C1GALT1: variants seen among roughly 807,000 people sequenced by gnomAD.
C1GALT1 encodes glycoprotein-N-acetylgalactosamine 3-beta-galactosyltransferase 1.
In C1GALT1, 11 loss-of-function variants were observed where a neutral mutation model predicts 31.0. The observed-to-expected ratio is 0.36, with a 90% confidence interval of 0.22 to 0.59. The LOEUF (loss-of-function observed/expected upper bound fraction) is 0.59, where lower values mean the gene tolerates loss of function less well. Among genes scored for constraint, C1GALT1 ranks in the 20% least tolerant of loss-of-function variants. The pLI is 0.79. For synonymous variants in C1GALT1, 175 were observed against 143.6 expected (o/e 1.22, Z -1.56); for missense variants, 424 against 425.2 (o/e 1.00, Z 0.03).
chr7:7,176,515 C>A (rs1427706390), intron 2 of C1GALT1, among the ~76,000 whole-genome samples: 2 of 152,124 alleles, frequency 1.3e-5, no homozygotes, highest in African/African-American at 4.8e-5. Flanking sequence ...ACTAGAGGAA[C>A]AAAGAGTAAC....
chr7:7,167,353 C>T (rs1389483711), intron 2 of C1GALT1, among the ~76,000 whole-genome samples: 5 of 152,132 alleles, frequency 3.3e-5, no homozygotes, highest in African/African-American at 1.2e-4. Flanking sequence ...CTTTATGAAA[C>T]ATTTGCTTTC....
At chr7:7,162,771 G>A (rs1169479963) in intron 2 of C1GALT1, among the ~76,000 whole-genome samples, 2 of 152,018 alleles carry the variant, frequency 1.3e-5, no homozygotes, top group Non-Finnish European at 2.9e-5. Context: ...ATCCTCTCCG[G>A]AACCTGTTGT....
At chr7:7,172,409 G>A (rs1286780760) in intron 2 of C1GALT1, among the ~76,000 whole-genome samples, 1 of 152,042 alleles carries the variant, frequency 6.6e-6, no homozygotes, top group Non-Finnish European at 1.5e-5. Flanking sequence ...TGATGGGTTG[G>A]TTAAAATATC....
At chr7:7,197,960 A>C (rs1050001920) in intron 1 of C1GALT1, among the ~76,000 whole-genome samples, 3 of 152,222 alleles carry the variant, frequency 2.0e-5, no homozygotes, top group African/African-American at 7.2e-5. Context: ...TTTTCTAAAT[A>C]CACAATCATG....
chr7:7,242,473 CT>C (rs1304639937), intron 3 of C1GALT1, among the ~76,000 whole-genome samples: 1 of 152,018 alleles, frequency 6.6e-6, no homozygotes, highest in Non-Finnish European at 1.5e-5. Context: ...AAGCTACATA[CT>C]TCCAAACATA....
rs574588365 is a variant in C1GALT1 at position 7,228,647 on chromosome 7, G to A, written c.-17-5656G>A. Among the ~76,000 whole-genome samples the A allele has an allele frequency of 5.3e-5, 8 of 152,266 alleles. No homozygotes were observed. In the South Asian group the frequency reaches 1.4e-3, roughly 28 times the overall value. ...GAGTTTACAGTTATTTAGTCATAAG[G>A]CCGGAGTCCTTTAAATTGGAAGGGA... On this transcript the variant is annotated intron_variant, in intron 1 of 3. Coordinates refer to ENST00000436587, the MANE Select transcript of C1GALT1 (RefSeq NM_020156.5).
At position 7,247,661 on chromosome 7, in the gene C1GALT1, T is replaced by A. The variant is rs141349787; in HGVS notation, c.*3934T>A. 460 of 152,244 alleles carry A rather than the reference T, an allele frequency of 3.0e-3. 5 individuals carry two copies. The highest frequency in any genetic ancestry group is 0.01 in the African/African-American group (435 of 41,568). 9.4% of individuals were successfully genotyped at this position (152,244 alleles called of 1,614,324 possible). ...ATTAAATTACATCTAGCATTTTATT[T>A]GCCATTTCAATTTTCAGTTCATTAG... On this transcript the variant is annotated 3_prime_UTR_variant, in exon 4 of 4. Transcript: ENST00000436587.
At chr7:7,196,827 T>A (rs1361140235) in intron 1 of C1GALT1, among the ~76,000 whole-genome samples, 3 of 152,358 alleles carry the variant, frequency 2.0e-5, no homozygotes, top group Middle Eastern at 3.4e-3. Context: ...ATGATGAGCA[T>A]TTTTTCATGT....
chr7:7,162,628 C>A (rs900094129), intron 2 of C1GALT1, among the ~76,000 whole-genome samples: 7 of 151,910 alleles, frequency 4.6e-5, no homozygotes, highest in Non-Finnish European at 8.8e-5. Context: ...TGGGTATATA[C>A]CCAGTAATGG....
At chr7:7,227,595 C>T (rs1782829809) in intron 1 of C1GALT1, among the ~76,000 whole-genome samples, 1 of 151,464 alleles carries the variant, frequency 6.6e-6, no homozygotes. Context: ...TGGCGGGCGC[C>T]TGTAGTCCCA....
rs752869659 is a variant in C1GALT1 at position 7,243,571 on chromosome 7, T to G, written c.936T>G (p.Asp312Glu). The change falls in exon 4 of 4, where the codon GAT becomes GAG. Residue 312 changes from aspartate (D) to glutamate (E), a missense_variant. Transcript: ENST00000436587. Reference sequence around the variant, plus strand: ...TTGCAGTTTCTTTTCACTATGTTGATTCTACAACCATGTATGAGTTAGAAT... The same window carrying G: ...TTGCAGTTTCTTTTCACTATGTTGAGTCTACAACCATGTATGAGTTAGAAT... ...SDLAVSFHYV[D>E]STTMYELEYL... The G allele has an allele frequency of 1.2e-6, 2 of 1,611,634 alleles. No homozygotes were observed. The highest frequency in any genetic ancestry group is 3.4e-5 in the Admixed American group (2 of 59,502).
At chr7:7,202,358 C>T (rs528347599) in intron 1 of C1GALT1, among the ~76,000 whole-genome samples, 4 of 152,246 alleles carry the variant, frequency 2.6e-5, no homozygotes, top group South Asian at 4.2e-4. Context: ...GTTAGTTATG[C>T]GCCCTGTCTG....
intron 1 of C1GALT1, among the ~76,000 whole-genome samples, chr7:7,219,399 T>C (rs1224322093): frequency 9.0e-6 from 1 of 110,978 alleles, no homozygotes; most frequent in Non-Finnish European, 1.8e-5. Context: ...ATGTACCCTC[T>C]GGTGAGGAAT....
At chr7:7,198,568 TC>T (rs1781399534) in intron 1 of C1GALT1, among the ~76,000 whole-genome samples, 1 of 152,226 alleles carries the variant, frequency 6.6e-6, no homozygotes, top group Non-Finnish European at 1.5e-5. Flanking sequence ...TAGGGAGGAT[TC>T]CCTCTTTTTC....
intron 1 of C1GALT1, among the ~76,000 whole-genome samples, chr7:7,224,322 G>A (rs1275512955): frequency 6.6e-6 from 1 of 151,120 alleles, no homozygotes; most frequent in Non-Finnish European, 1.5e-5. Context: ...ATATGAACTT[G>A]ATAAAATGAA....
intron 1 of C1GALT1, among the ~76,000 whole-genome samples, chr7:7,205,579 A>G (rs996930051): frequency 2.0e-5 from 3 of 152,190 alleles, no homozygotes; most frequent in Non-Finnish European, 4.4e-5. Context: ...AGATGGACCT[A>G]TACTGTTCAG....
In C1GALT1 at chr7:7,243,643, A is replaced by G. The variant is rs1783725377; in HGVS notation, c.1008A>G (p.Gln336=). Residue 336 remains glutamine, a synonymous_variant, in exon 4 of 4, where the codon CAA becomes CAG. Transcript: ENST00000436587. The part of the protein sequence containing the change: ...LRPYGYLYRY[Q]PTLPERILKE... ...CATATGGTTATTTATACAGATATCA[A>G]CCTACCTTACCTGAACGTATACTAA... 1 of 1,611,600 alleles carries G rather than the reference A, an allele frequency of 6.2e-7. No homozygotes were observed. Among genetic ancestry groups the G allele is most frequent in the African/African-American group, 1.3e-5 (1 of 74,772 alleles).
At chr7:7,181,213 G>GTTGCGGAAAGGTGGAAGGACA (rs1562555669), upstream of C1GALT1, among the ~76,000 whole-genome samples, 53 of 138,352 alleles carry the variant, frequency 3.8e-4, no homozygotes, top group Non-Finnish European at 2.3e-4. Flanking sequence ...GTGGAAGGAT[G>GTTGCGGAAAGGTGGAAGGACA]TTGCGGAAAG....
At chr7:7,184,821 G>C (rs1485321787) in intron 1 of C1GALT1, among the ~76,000 whole-genome samples, 2 of 152,208 alleles carry the variant, frequency 1.3e-5, no homozygotes. Flanking sequence ...TTTGATTAAA[G>C]ACGCTGATGT....
Sources: allele counts gnomAD v4.1 joint callset (sites outside exome capture counted in the v4.1 genomes callset), GRCh38; gene constraint gnomAD v4.1.1; transcripts MANE v1.5; gene names NCBI Gene and HGNC (gene_info 2026-07-23, HGNC 2026-07-21).